Variants in SLC12A4 observed in about 807,000 individuals in gnomAD.
The protein encoded by SLC12A4 is electroneutral potassium-chloride cotransporter 1.
A neutral mutation model predicts 119.2 loss-of-function variants in SLC12A4; 84 were observed. That is an observed-to-expected ratio of 0.70 (90% CI 0.59 to 0.85). SLC12A4 has a LOEUF of 0.85. SLC12A4 is among the 40% of genes least tolerant of loss of function. The pLI is 0.00. For synonymous variants in SLC12A4, 599 were observed against 604.6 expected (o/e 0.99, Z 0.14); for missense variants, 1,298 against 1,476.3 (o/e 0.88, Z 1.98).
Position 67,950,027 on chromosome 16 carries a change from G to A in SLC12A4, c.1630-109C>T, listed in dbSNP as rs2058395990. On this transcript the variant is annotated intron_variant, in intron 12 of 23. Coordinates refer to ENST00000316341, the MANE Select transcript of SLC12A4 (RefSeq NM_005072.5). The surrounding 1 kb of genome is among the most constrained non-coding windows in gnomAD (Gnocchi z 4.3). ...CCCAGGGCCCGCCTTGGGGGCTCAG[G>A]CCGCCCCTGTGTCTATCCCTATGGG... The A allele has an allele frequency of 1.0e-5, 9 of 867,448 alleles. No homozygotes were observed. In the Middle Eastern group the frequency reaches 9.8e-4, roughly 95 times the overall value. 53.7% of individuals were successfully genotyped at this position (867,448 alleles called of 1,614,324 possible). A position where few individuals can be genotyped will look rare whatever the true frequency, so the allele number is the denominator to read the frequency against.
At chr16:67,947,246 G>T in intron 16 of SLC12A4, 85 bp downstream of exon 16, 1 of 1,503,306 alleles carries the variant, frequency 6.7e-7, no homozygotes, top group Admixed American at 1.9e-5. Context: ...CCCCAGGATG[G>T]GGAGCCGGCA....
Position 67,963,523 on chromosome 16 carries a change from G to T in SLC12A4, c.152C>A (p.Ser51Tyr). 1 of 1,585,724 alleles carries T rather than the reference G, an allele frequency of 6.3e-7. No individual in the cohort carries two copies. ...GNHRESSPFL[S>Y]PLEASRGIDY... ...AATTCCTCTGGAAGCCTCCAAGGGG[G>T]AAAGAAAAGGGCTGCTCTCTCTGTG... Residue 51 changes from serine to tyrosine, a missense_variant, in exon 2 of 24, where the codon TCC becomes TAC. Transcript: ENST00000316341.
At chr16:67,957,859 C>T (rs1175965217) in intron 4 of SLC12A4, 39 bp downstream of exon 4, 1 of 1,614,048 alleles carries the variant, frequency 6.2e-7, no homozygotes, top group East Asian at 2.2e-5. Context: ...GCAGCCGTGG[C>T]CCATGCCCAG....
chr16:67,958,060 G>T lies in SLC12A4; in HGVS notation c.343-16C>A, dbSNP rs1403176370. ...TGCTGGGTGCCTATGCGAACACAAA[G>T]GGAGGGGGCGAGTAGAGCATCAGAG... On this transcript the variant is annotated splice_polypyrimidine_tract_variant and intron_variant, in intron 3 of 23. Coordinates refer to ENST00000316341, the MANE Select transcript of SLC12A4 (RefSeq NM_005072.5). 1.9e-6 allele frequency: 3 copies of T among 1,611,676 alleles called. No individual in the cohort carries two copies. Among genetic ancestry groups the T allele is most frequent in the Non-Finnish European group, 2.5e-6 (3 of 1,178,656 alleles).
At position 67,951,038 on chromosome 16, in the gene SLC12A4, G is replaced by A; in HGVS notation, c.1320C>T (p.Arg440=). 2 of 1,613,972 alleles carry A rather than the reference G, an allele frequency of 1.2e-6. No homozygotes were observed. The highest frequency in any genetic ancestry group is 1.7e-6 in the Non-Finnish European group (2 of 1,180,014). ...TCTGGGCGTCACGAAGGTCCCCAGAGCGGTTTGAGCCAGCCATGATGCCTC... is the reference window on the plus strand; with the variant it reads ...TCTGGGCGTCACGAAGGTCCCCAGAACGGTTTGAGCCAGCCATGATGCCTC... The part of the protein sequence containing the change: ...SVTGIMAGSN[R]SGDLRDAQKS... Residue 440 remains arginine (R), a synonymous_variant, in exon 10 of 24, where the codon CGC becomes CGT. Coordinates refer to ENST00000316341, the MANE Select transcript of SLC12A4 (RefSeq NM_005072.5). The surrounding 1 kb of genome is among the most constrained non-coding windows in gnomAD (Gnocchi z 5.2).
At position 67,966,712 on chromosome 16, in the gene SLC12A4, C is replaced by G. The variant is rs1422279529; in HGVS notation, c.115+1727G>C. ...TGAGGCTCACTGTGCTTTGTGCCCT[C>G]TGACCCTTTGCAGTCCCCACCAAGG... is the stretch of plus-strand genomic sequence containing the variant. On this transcript the variant is annotated intron_variant, in intron 1 of 23. Transcript: ENST00000316341. 5 of 1,550,840 alleles carry G rather than the reference C, an allele frequency of 3.2e-6. No homozygotes were observed. In the Admixed American group the frequency reaches 7.8e-5, roughly 24 times the overall value.
At chr16:67,959,697 G>A (rs1369777424) in intron 3 of SLC12A4, among the ~76,000 whole-genome samples, 2 of 152,208 alleles carry the variant, frequency 1.3e-5, no homozygotes, top group African/African-American at 4.8e-5. Context: ...CCCATCCCAG[G>A]CTGAGTCACT....
intron 5 of SLC12A4, among the ~76,000 whole-genome samples, chr16:67,956,073 C>A (rs9934405): frequency 0.34 from 49,494 of 147,334 alleles, 11,677 homozygotes; most frequent in African/African-American, 0.68. Context: ...GCTACTCGGG[C>A]GGCTGAGGCA....
In SLC12A4 at chr16:67,961,666, C is replaced by G; in HGVS notation, c.251G>C (p.Gly84Ala). The G allele has an allele frequency of 6.2e-7, 1 of 1,614,200 alleles. No homozygotes were observed. Among genetic ancestry groups the G allele is most frequent in the Non-Finnish European group, 8.5e-7 (1 of 1,180,026 alleles). Residue 84 changes from glycine (G) to alanine (A), a missense_variant, in exon 3 of 24, where the codon GGA becomes GCA. Coordinates refer to ENST00000316341, the MANE Select transcript of SLC12A4 (RefSeq NM_005072.5). ...DIRPKVSSLL[G>A]KLVSYTNLTQ... ...GAGGTTGGTGTAGCTGACGAGCTTT[C>G]CCAGAAGAGACGATACCTTTGGGCG... is the stretch of plus-strand genomic sequence containing the variant.
chr16:67,946,630 T>C lies in SLC12A4; in HGVS notation c.2245A>G (p.Ile749Val), dbSNP rs1466231933. 6 of 1,611,606 alleles carry C rather than the reference T, an allele frequency of 3.7e-6. No homozygotes were observed. The highest frequency in any genetic ancestry group is 5.1e-6 in the Non-Finnish European group (6 of 1,178,882). ...TTCTCAATTTCCATCATGTTCTTGA[T>C]GGTCTGTGGGGAACACACCCAGGGC... ...YGEAQAAEQT[I>V]KNMMEIEKVK... Residue 749 changes from isoleucine to valine, a missense_variant, in exon 18 of 24, where the codon ATC (isoleucine) becomes GTC (valine). Coordinates refer to ENST00000316341, the MANE Select transcript of SLC12A4 (RefSeq NM_005072.5).
Position 67,961,566 on chromosome 16 carries a change from C to G in SLC12A4, c.342+9G>C. 5 of 1,612,124 alleles carry G rather than the reference C, an allele frequency of 3.1e-6. No homozygotes were observed. The highest frequency in any genetic ancestry group is 3.4e-6 in the Non-Finnish European group (4 of 1,179,872). ...AGGTGTGGCCCCTCTGCCGCCCCAA[C>G]CAGCTCACCTCGGCTGCCCTCCGGC... On this transcript the variant is annotated intron_variant, in intron 3 of 23. Transcript: ENST00000316341.
At chr16:67,966,593 C>T (rs1035566517) in intron 1 of SLC12A4, among the ~76,000 whole-genome samples, 1 of 152,244 alleles carries the variant, frequency 6.6e-6, no homozygotes, top group African/African-American at 2.4e-5. Context: ...TACCCCCTGC[C>T]CACAGGCCAA....
chr16:67,966,837 GT>G, intron 1 of SLC12A4: 2 of 1,548,172 alleles, frequency 1.3e-6, no homozygotes, highest in African/African-American at 1.4e-5. Context: ...AAGGGAGGCA[GT>G]GGGAGGAGCT....
chr16:67,947,215 C>T, intron 16 of SLC12A4, 110 bp from the exon 17 acceptor site: 1 of 1,497,318 alleles, frequency 6.7e-7, no homozygotes, highest in Non-Finnish European at 9.0e-7. Context: ...GTAGCATGGC[C>T]CAGGAGGGTG....
rs775677004 is a variant in SLC12A4, at chr16:67,947,063, G to C, written c.2115C>G (p.His705Gln). ...AGGTGAGGAGCCGCGGGTACTTCAC[G>C]TGGAGGTCCTCGTCCAGCTTCAGCA... ...LVLLKLDEDLHVKYPRLLTFA... is the reference protein window; with the variant it reads ...LVLLKLDEDLQVKYPRLLTFA... Residue 705 changes from histidine (H) to glutamine (Q), a missense_variant, in exon 17 of 24, where the codon CAC becomes CAG. His to Gln is a conservative substitution (Grantham distance 24). Coordinates refer to ENST00000316341, the MANE Select transcript of SLC12A4 (RefSeq NM_005072.5). The C allele has an allele frequency of 1.2e-6, 2 of 1,610,318 alleles. No homozygotes were observed. Among genetic ancestry groups the C allele is most frequent in the Non-Finnish European group, 1.7e-6 (2 of 1,179,418 alleles).
Position 67,950,018 on chromosome 16 carries a change from G to GC in SLC12A4, c.1630-101_1630-100insG. ...TCCCTCACCCCCAGGGCCCGCCTTG[G>GC]GGGCTCAGGCCGCCCCTGTGTCTAT... On this transcript the variant is annotated intron_variant, in intron 12 of 23. Transcript: ENST00000316341. This position sits in a 1 kb window ranked among gnomAD's most constrained non-coding sequence, Gnocchi z 4.3. 1.1e-6 allele frequency: 1 copy of GC among 947,368 alleles called. No individual in the cohort carries two copies. The highest frequency in any genetic ancestry group is 1.7e-6 in the Non-Finnish European group (1 of 601,728). 58.7% of individuals were successfully genotyped at this position (947,368 alleles called of 1,614,324 possible).
chr16:67,950,722 G>T lies in SLC12A4; in HGVS notation c.1397-11C>A. The T allele has an allele frequency of 6.2e-7, 1 of 1,603,336 alleles. No homozygotes were observed. The highest frequency in any genetic ancestry group is 8.5e-7 in the Non-Finnish European group (1 of 1,175,160). On this transcript the variant is annotated splice_polypyrimidine_tract_variant and intron_variant, in intron 10 of 23. Transcript: ENST00000316341. The surrounding 1 kb of genome is among the most constrained non-coding windows in gnomAD (Gnocchi z 4.3). ...CCACACTGCTGAAGTCTGCGGCGGC[G>T]TCAAGGAAAACTCGGCCTCTGCCAC...
chr16:67,954,559 G>A, intron 6 of SLC12A4, 84 bp downstream of exon 6: 1 of 1,539,640 alleles, frequency 6.5e-7, no homozygotes, highest in Non-Finnish European at 8.9e-7. Context: ...GACATGTGGG[G>A]ATGAACAGCC....
At chr16:67,961,838 G>GATCA in intron 2 of SLC12A4, 132 bp from the exon 3 acceptor site, 1 of 1,210,518 alleles carries the variant, frequency 8.3e-7, no homozygotes, top group Non-Finnish European at 1.2e-6. Context: ...TCCTACCTGG[G>GATCA]GAAGTCCAAG....
Sources: gnomAD v4.1 joint callset for allele counts (sites outside exome capture counted in the v4.1 genomes callset) on GRCh38, gnomAD v4.1.1 for gene constraint, Gnocchi (gnomAD v3.1) non-coding constraint, MANE v1.5 for transcripts, NCBI Gene and HGNC (gene_info 2026-07-23, HGNC 2026-07-21) for gene names.